MROH1: variants seen among roughly 807,000 people sequenced by gnomAD.
The protein encoded by MROH1 is maestro heat-like repeat-containing protein family member 1.
A neutral mutation model predicts 116.5 loss-of-function variants in MROH1; 117 were observed. That is an observed-to-expected ratio of 1.00 (90% CI 0.86 to 1.17). The LOEUF (loss-of-function observed/expected upper bound fraction) is 1.17. Ranked by LOEUF, MROH1 falls within the 50% of genes most tolerant of loss-of-function variation. The pLI, the probability that MROH1 is intolerant of heterozygous loss-of-function variation, is 0.00. For missense variants in MROH1, 1,873 were observed against 1,338.5 expected (o/e 1.40, Z -6.23); for synonymous variants, 921 against 583.9 (o/e 1.58, Z -8.32).
At chr8:144,234,497 C>CATT (rs1554823930) in intron 14 of MROH1, among the ~76,000 whole-genome samples, 1 of 20,630 alleles carries the variant, frequency 4.8e-5, no homozygotes, top group Non-Finnish European at 1.1e-4. Flanking sequence ...CTTTCTTTTT[C>CATT]GTTTTTTTTT....
At chr8:144,220,035 A>ACTGT (rs1836365816) in intron 12 of MROH1, among the ~76,000 whole-genome samples, 1 of 152,152 alleles carries the variant, frequency 6.6e-6, no homozygotes, top group South Asian at 2.1e-4. Context: ...GGGCACTTGC[A>ACTGT]CTGTCCCCAG....
chr8:144,201,664 G>C (rs11136258), intron 12 of MROH1, among the ~76,000 whole-genome samples: 150,527 of 152,290 alleles, frequency 0.99, 74,412 homozygotes, highest in East Asian at 1. Context: ...GGGTTGCAAA[G>C]AGCAGCCACC....
rs958097800 is a variant in MROH1 at position 144,255,412 on chromosome 8, T to G, written c.3595-97T>G. On this transcript the variant is annotated intron_variant, in intron 34 of 43. Coordinates refer to ENST00000326134, the MANE Select transcript of MROH1 (RefSeq NM_032450.3). Reference sequence around the variant, plus strand: ...CTGGGATCTGAGACCTCCGAGCACATGATGCAGGCGAAGGGGGATGCAGTC... The same window carrying G: ...CTGGGATCTGAGACCTCCGAGCACAGGATGCAGGCGAAGGGGGATGCAGTC... The G allele has an allele frequency of 9.9e-4, 695 of 704,134 alleles. 1 individual carries two copies. Among genetic ancestry groups the G allele is most frequent in the South Asian group, 1.9e-3 (122 of 65,832 alleles). 43.6% of individuals were successfully genotyped at this position (704,134 alleles called of 1,614,324 possible). A position where few individuals can be genotyped will look rare whatever the true frequency, so the allele number is the denominator to read the frequency against.
At position 144,258,788 on chromosome 8, in the gene MROH1, A is replaced by G. The variant is rs1166626695; in HGVS notation, c.3803A>G (p.Asp1268Gly). 3 of 767,988 alleles carry G rather than the reference A, an allele frequency of 3.9e-6. No homozygotes were observed. The highest frequency in any genetic ancestry group is 7.2e-6 in the Non-Finnish European group (3 of 413,942). The allele number at this position is 767,988 out of a possible 1,614,324, so 47.6% of individuals were successfully genotyped here. ...RNLEPCSSAV[D>G]TLRSMLLRSG... The stretch of plus-strand genomic sequence containing the variant: ...TGGCAATCCTGCAGCTCTGCAGTGG[A>G]CACCCTGCGGTCCATGCTACTCCGC... Residue 1268 changes from aspartate (D) to glycine (G), a missense_variant, in exon 36 of 44, where the codon GAC (aspartate) becomes GGC (glycine). Coordinates refer to ENST00000326134, the MANE Select transcript of MROH1 (RefSeq NM_032450.3).
At chr8:144,224,008 A>G (rs1233613659) in intron 14 of MROH1, among the ~76,000 whole-genome samples, 4 of 152,164 alleles carry the variant, frequency 2.6e-5, no homozygotes, top group Admixed American at 1.3e-4. Context: ...AGCCGCACAC[A>G]TGCCTGTTCT....
chr8:144,239,403 C>A (rs1840599182), intron 17 of MROH1, 40 bp downstream of exon 17: 1 of 780,480 alleles, frequency 1.3e-6, no homozygotes, highest in Non-Finnish European at 2.4e-6. Context: ...GCGCCCCACT[C>A]TGTGTCCCTG....
At chr8:144,191,019 AG>A (rs1828452359) in intron 8 of MROH1, 84 bp downstream of exon 8, 1 of 1,471,350 alleles carries the variant, frequency 6.8e-7, no homozygotes, top group Admixed American at 2.1e-5. Context: ...AATTGATCAG[AG>A]GGTGGTGGTG....
At chr8:144,257,624 C>T (rs886691073) in intron 35 of MROH1, among the ~76,000 whole-genome samples, 30 of 152,312 alleles carry the variant, frequency 2.0e-4, no homozygotes, top group South Asian at 4.1e-4. Flanking sequence ...GAGGGCCTCA[C>T]ACACCATCCA....
chr8:144,241,533 G>T lies in MROH1; in HGVS notation c.2178+16G>T. On this transcript the variant is annotated intron_variant, in intron 22 of 43. Coordinates refer to ENST00000326134, the MANE Select transcript of MROH1 (RefSeq NM_032450.3). ...CATTTTTAAGGTTAGGGTGACACCG[G>T]TGCAGGGCTGGGGACGGCTGTCTAT... is the stretch of plus-strand genomic sequence containing the variant. 1 of 778,046 alleles carries T rather than the reference G, an allele frequency of 1.3e-6. No individual in the cohort carries two copies. Among genetic ancestry groups the T allele is most frequent in the Non-Finnish European group, 2.4e-6 (1 of 417,392 alleles). The allele number at this position is 778,046 out of a possible 1,614,324, so 48.2% of individuals were successfully genotyped here.
At chr8:144,247,186 TC>T (rs1842062291) in intron 29 of MROH1, 114 bp from the exon 30 acceptor site, 2 of 683,798 alleles carry the variant, frequency 2.9e-6, no homozygotes, top group Admixed American at 2.0e-5. Context: ...GCCCAGGGCT[TC>T]GTGGACACCA....
In MROH1 at chr8:144,205,579, C is replaced by T. The variant is rs536666866; in HGVS notation, c.1141+5038C>T. ...TACAGGCTGTTTTATATCTTAAAACCGGAAATTTTACTGTGTCTCAGTGTT... is the reference window on the plus strand; with the variant it reads ...TACAGGCTGTTTTATATCTTAAAACTGGAAATTTTACTGTGTCTCAGTGTT... On this transcript the variant is annotated intron_variant, in intron 12 of 43. Transcript: ENST00000326134. 5.3e-5 allele frequency among the ~76,000 whole-genome samples: 8 copies of T among 151,768 alleles called. No individual in the cohort carries two copies. In the East Asian group the frequency reaches 7.7e-4, roughly 15 times the overall value.
rs1196230933 is a variant in MROH1, at chr8:144,247,155, G to A, written c.2872-146G>A. 6 of 657,978 alleles carry A rather than the reference G, an allele frequency of 9.1e-6. No individual in the cohort carries two copies. In the Admixed American group the frequency reaches 1.1e-4, roughly 12 times the overall value. The allele number at this position is 657,978 out of a possible 1,614,324, so 40.8% of individuals were successfully genotyped here. On this transcript the variant is annotated intron_variant, in intron 29 of 43. Coordinates refer to ENST00000326134, the MANE Select transcript of MROH1 (RefSeq NM_032450.3). ...GAGGGGAGGGAGGAACTCACTGGGAGCTGTGTTGGCCACACTGAGGGCCCA... is the reference window on the plus strand; with the variant it reads ...GAGGGGAGGGAGGAACTCACTGGGAACTGTGTTGGCCACACTGAGGGCCCA...
chr8:144,202,558 G>C (rs1831485836), intron 12 of MROH1, among the ~76,000 whole-genome samples: 1 of 146,312 alleles, frequency 6.8e-6, no homozygotes, highest in Admixed American at 6.7e-5. Context: ...CTGTATGGAG[G>C]GGCAGGGAGG....
At chr8:144,207,559 G>A (rs1833117033) in intron 12 of MROH1, among the ~76,000 whole-genome samples, 1 of 152,122 alleles carries the variant, frequency 6.6e-6, no homozygotes, top group Non-Finnish European at 1.5e-5. Context: ...AGGCTAGAGT[G>A]CAGTTCTGTG....
intron 12 of MROH1, 96 bp from the exon 13 acceptor site, chr8:144,220,504 G>A (rs961321969): frequency 1.6e-5 from 17 of 1,042,946 alleles, no homozygotes; most frequent in South Asian, 1.2e-4. Context: ...CCTCCTACAC[G>A]GGGACCACGG....
chr8:144,246,910 T>C (rs1842013125), intron 29 of MROH1, among the ~76,000 whole-genome samples: 1 of 152,176 alleles, frequency 6.6e-6, no homozygotes, highest in South Asian at 2.1e-4. Context: ...GGGGGTCTTG[T>C]ACAGTCCTGC....
intron 1 of MROH1, among the ~76,000 whole-genome samples, chr8:144,149,047 G>C (rs1816104386): frequency 6.6e-6 from 1 of 152,150 alleles, no homozygotes; most frequent in African/African-American, 2.4e-5. Flanking sequence ...GTCAGGTGAG[G>C]GTGGTGAGTT....
At chr8:144,178,189 A>G (rs1554789642) in intron 4 of MROH1, among the ~76,000 whole-genome samples, 1 of 150,606 alleles carries the variant, frequency 6.6e-6, no homozygotes, top group Admixed American at 6.6e-5. Context: ...GCTGGAGTGC[A>G]GTGGCGCGAT....
At chr8:144,174,884 C>A (rs904076198) in intron 4 of MROH1, 1 of 985,358 alleles carries the variant, frequency 1.0e-6, no homozygotes, top group Non-Finnish European at 1.2e-6. Context: ...CAGCCTGTCA[C>A]CCTGCACTGA....
Sources: gnomAD v4.1 joint callset for allele counts (sites outside exome capture counted in the v4.1 genomes callset) on GRCh38, gnomAD v4.1.1 for gene constraint, MANE v1.5 for transcripts, NCBI Gene and HGNC (gene_info 2026-07-23, HGNC 2026-07-21) for gene names.